The following RSF1 variants were observed in gnomAD, a reference collection of about 807,000 sequenced individuals.
RSF1 encodes the protein remodeling and spacing factor 1.
RSF1 carries 13 observed loss-of-function variants against 145.2 expected under a neutral mutation model. The observed-to-expected ratio is 0.09, with a 90% CI of 0.06 to 0.14. RSF1 has a LOEUF of 0.14. Among genes scored for constraint, RSF1 ranks in the 10% least tolerant of loss-of-function variants. The probability of loss-of-function intolerance (pLI) is 1.00; values close to 1 mark genes in which losing one functional copy is unlikely to be tolerated. For missense variants in RSF1, 1,517 were observed against 1,718.2 expected (o/e 0.88, Z 2.07); for synonymous variants, 577 against 592.6 (o/e 0.97, Z 0.38).
intron 9 of RSF1, among the ~76,000 whole-genome samples, chr11:77,688,766 A>G (rs1280714090): frequency 6.6e-6 from 1 of 152,144 alleles, no homozygotes. Context: ...TGTTCAAACA[A>G]AAGAAAGAAA....
chr11:77,767,509 A>T (rs992586682), intron 1 of RSF1, among the ~76,000 whole-genome samples: 6 of 152,148 alleles, frequency 3.9e-5, no homozygotes, highest in Non-Finnish European at 7.3e-5. Flanking sequence ...TAACTCTGCA[A>T]TTCTTCTCTC....
chr11:77,812,692 A>T (rs1414090764), intron 1 of RSF1, among the ~76,000 whole-genome samples: 1 of 152,140 alleles, frequency 6.6e-6, no homozygotes, highest in African/African-American at 2.4e-5. Context: ...TTTTGAGACC[A>T]GCCTGGCCAA....
At chr11:77,692,742 A>G (rs1253729637) in intron 8 of RSF1, among the ~76,000 whole-genome samples, 1 of 147,504 alleles carries the variant, frequency 6.8e-6, no homozygotes, top group Non-Finnish European at 1.5e-5. Context: ...CAATGGCGTG[A>G]TCTTGGCTCA....
At chr11:77,807,409 A>G (rs1030250914) in intron 1 of RSF1, among the ~76,000 whole-genome samples, 4 of 152,224 alleles carry the variant, frequency 2.6e-5, no homozygotes, top group African/African-American at 7.2e-5. Flanking sequence ...AACTGCCTGC[A>G]TAACTATATT....
chr11:77,817,176 ACACTTC>A (rs1948789819), intron 1 of RSF1, among the ~76,000 whole-genome samples: 1 of 152,230 alleles, frequency 6.6e-6, no homozygotes, highest in Non-Finnish European at 1.5e-5. Flanking sequence ...AGAAATAATA[ACACTTC>A]CACTTATTAA....
intron 1 of RSF1, among the ~76,000 whole-genome samples, chr11:77,767,427 C>T (rs1948237116): frequency 6.6e-6 from 1 of 152,148 alleles, no homozygotes; most frequent in South Asian, 2.1e-4. Context: ...TTTTTTATGG[C>T]TCCTAAATAC....
chr11:77,758,140 GAA>G lies in RSF1; in HGVS notation c.279+6456_279+6457del, dbSNP rs59962849. ...GACAGAGGGAGATCCAGTCTCAGAA[GAA>G]AAAAAAAAAAAAAAGAAGGTAGATT... On this transcript the variant is annotated intron_variant, in intron 2 of 15. Coordinates refer to ENST00000308488, the MANE Select transcript of RSF1 (RefSeq NM_016578.4). Among the ~76,000 whole-genome samples, 47 of 104,686 alleles carry G rather than the reference GAA, an allele frequency of 4.5e-4. No individual in the cohort carries two copies. In the Middle Eastern group the frequency reaches 0.018, roughly 40 times the overall value. The allele number at this position is 104,686 out of a possible 152,430, so 68.7% of individuals were successfully genotyped here. A position where few individuals can be genotyped will look rare whatever the true frequency, so the allele number is the denominator to read the frequency against.
chr11:77,833,052 C>A, the RSF1 span, among the ~76,000 whole-genome samples: 1 of 124,156 alleles, frequency 8.1e-6, no homozygotes, highest in African/African-American at 3.2e-5. Flanking sequence ...CATTCTGTCA[C>A]CCAGGCTGGA....
At chr11:77,720,643 TAAA>T (rs2135880596) in intron 5 of RSF1, among the ~76,000 whole-genome samples, 1 of 152,256 alleles carries the variant, frequency 6.6e-6, no homozygotes, top group South Asian at 2.1e-4. Flanking sequence ...ACAAATAGTA[TAAA>T]TAAAGTTTCA....
chr11:77,852,224 C>CAAAAAAAA, the RSF1 span, among the ~76,000 whole-genome samples: 27 of 33,426 alleles, frequency 8.1e-4, 1 homozygote, highest in African/African-American at 2.9e-3. Flanking sequence ...GACACTGTCT[C>CAAAAAAAA]AAAAAAAAAA....
intron 5 of RSF1, among the ~76,000 whole-genome samples, chr11:77,723,441 C>T (rs185979622): frequency 2.1e-3 from 321 of 152,036 alleles, no homozygotes; most frequent in African/African-American, 6.9e-3. Flanking sequence ...TCAGCCTGGG[C>T]GACAGAGAGA....
chr11:77,763,783 C>G (rs1378958149), intron 2 of RSF1: 1 of 152,066 alleles, frequency 6.6e-6, no homozygotes, highest in Non-Finnish European at 1.5e-5. Context: ...GGAAGGTACT[C>G]CAGGCAGAAG....
At chr11:77,802,498 T>G (rs533269297) in intron 1 of RSF1, among the ~76,000 whole-genome samples, 6 of 152,182 alleles carry the variant, frequency 3.9e-5, no homozygotes, top group Non-Finnish European at 7.3e-5. Flanking sequence ...ATTCTGTGGA[T>G]AGAAGGAACA....
chr11:77,869,989 T>G, the RSF1 span: 1 of 536,922 alleles, frequency 1.9e-6, no homozygotes, highest in Non-Finnish European at 3.4e-6. Context: ...CGTTGGGCTC[T>G]CCAGTCTACC....
At chr11:77,711,119 C>G (rs1277515010) in intron 5 of RSF1, among the ~76,000 whole-genome samples, 2 of 149,122 alleles carry the variant, frequency 1.3e-5, no homozygotes, top group Admixed American at 6.7e-5. Context: ...AGACACCCCC[C>G]CTGACCCCCA....
the RSF1 span, among the ~76,000 whole-genome samples, chr11:77,861,841 T>G: frequency 6.6e-6 from 1 of 152,114 alleles, no homozygotes; most frequent in Non-Finnish European, 1.5e-5. Context: ...TGATCTCTAT[T>G]ACAAAAAACC....
intron 1 of RSF1, among the ~76,000 whole-genome samples, chr11:77,784,850 A>G (rs11825573): frequency 0.18 from 26,920 of 152,118 alleles, 2,971 homozygotes; most frequent in African/African-American, 0.29. Context: ...CTGGATGTTC[A>G]GTGCCTAGCG....
chr11:77,833,434 G>A, the RSF1 span, among the ~76,000 whole-genome samples: 2 of 152,068 alleles, frequency 1.3e-5, no homozygotes, highest in African/African-American at 4.8e-5. Context: ...TTCACAATAG[G>A]GTTCACGCAT....
rs1226285137 is a variant in RSF1, at chr11:77,663,015, G to A, written c.*3902C>T. ...TCTGATACTTATCTGAAGTGTGTGC[G>A]TGTGCACACACACACACACATATAC... On this transcript the variant is annotated 3_prime_UTR_variant, in exon 16 of 16. Coordinates refer to ENST00000308488, the MANE Select transcript of RSF1 (RefSeq NM_016578.4). The A allele has an allele frequency of 8.9e-5, 12 of 134,360 alleles. No homozygotes were observed. Among genetic ancestry groups the A allele is most frequent in the Non-Finnish European group, 1.5e-4 (9 of 60,150 alleles). 8.3% of individuals were successfully genotyped at this position (134,360 alleles called of 1,614,324 possible). A position where few individuals can be genotyped will look rare whatever the true frequency, so the allele number is the denominator to read the frequency against.
Sources: allele counts gnomAD v4.1 joint callset (sites outside exome capture counted in the v4.1 genomes callset), GRCh38; gene constraint gnomAD v4.1.1; transcripts MANE v1.5; gene names NCBI Gene and HGNC (gene_info 2026-07-23, HGNC 2026-07-21).